Variants in RALYL observed in about 807,000 individuals in gnomAD.
RALYL encodes RALY RNA binding protein like, also known as RNA-binding Raly-like protein.
RALYL carries 29 observed loss-of-function variants against 35.1 expected under a neutral mutation model. The ratio of observed to expected loss-of-function variants is 0.83; its 90% CI spans 0.61 to 1.13. RALYL has a LOEUF of 1.13. Ranked by LOEUF, RALYL falls within the 50% of genes most tolerant of loss-of-function variation. The pLI is 0.00. For synonymous variants in RALYL, 120 were observed against 127.6 expected (o/e 0.94, Z 0.40); for missense variants, 359 against 360.4 (o/e 1.00, Z 0.03).
At chr8:84,316,029 A>C (rs377281683) in intron 1 of RALYL, among the ~76,000 whole-genome samples, 8 of 152,234 alleles carry the variant, frequency 5.3e-5, no homozygotes, top group East Asian at 1.9e-4. Flanking sequence ...TTGTAAAATT[A>C]TCTTTACTTT....
At chr8:84,738,551 C>T (rs1287936494) in intron 2 of RALYL, among the ~76,000 whole-genome samples, 3 of 151,836 alleles carry the variant, frequency 2.0e-5, no homozygotes, top group South Asian at 2.1e-4. Flanking sequence ...TTACTTTTAC[C>T]TTCTTTCTAT....
chr8:84,385,563 G>A (rs1050797205), intron 1 of RALYL, among the ~76,000 whole-genome samples: 1 of 151,774 alleles, frequency 6.6e-6, no homozygotes, highest in East Asian at 1.9e-4. Context: ...GGGTGTAAAA[G>A]CCACATTGCT....
At chr8:84,255,923 A>G (rs1831121437) in intron 1 of RALYL, among the ~76,000 whole-genome samples, 1 of 152,166 alleles carries the variant, frequency 6.6e-6, no homozygotes, top group Admixed American at 6.6e-5. Context: ...AGCATAACTA[A>G]GGATACCACT....
At chr8:84,545,199 A>G (rs1332026676) in intron 2 of RALYL, among the ~76,000 whole-genome samples, 1 of 152,090 alleles carries the variant, frequency 6.6e-6, no homozygotes, top group Non-Finnish European at 1.5e-5. Context: ...CTTTTCCTCT[A>G]TAGTTTAAAA....
At chr8:84,638,867 CATAA>C (rs1399656116) in intron 2 of RALYL, among the ~76,000 whole-genome samples, 2,270 of 101,612 alleles carry the variant, frequency 0.022, 180 homozygotes, top group Middle Eastern at 0.031. Context: ...CTAATGCACG[CATAA>C]ATATATATAT....
chr8:84,468,654 G>T (rs2052152725), intron 1 of RALYL, among the ~76,000 whole-genome samples: 1 of 148,050 alleles, frequency 6.8e-6, no homozygotes, highest in African/African-American at 2.5e-5. Context: ...GTATCTTTGT[G>T]GCGTTCTCTG....
chr8:84,220,973 C>T (rs993493319), intron 1 of RALYL, among the ~76,000 whole-genome samples: 1 of 151,842 alleles, frequency 6.6e-6, no homozygotes, highest in Non-Finnish European at 1.5e-5. Flanking sequence ...TAGAATGTGT[C>T]TTGCTGAACA....
At position 84,679,356 on chromosome 8, in the gene RALYL, G is replaced by C. The variant is rs117804766; in HGVS notation, c.257-95223G>C. On this transcript the variant is annotated intron_variant, in intron 2 of 8. Transcript: ENST00000521268. ...GGAACAGATTGAGACATTGTAAGTA[G>C]TTGAAACCCCACTACTTCATCCAGA... 26 of 270,740 alleles carry C rather than the reference G, an allele frequency of 9.6e-5. No individual in the cohort carries two copies. The East Asian group carries it at 2.4e-3, about 25-fold the overall frequency. The allele number at this position is 270,740 out of a possible 1,614,324, so 16.8% of individuals were successfully genotyped here.
At chr8:84,415,414 A>G (rs935890874) in intron 1 of RALYL, among the ~76,000 whole-genome samples, 1 of 151,640 alleles carries the variant, frequency 6.6e-6, no homozygotes, top group Non-Finnish European at 1.5e-5. Flanking sequence ...TAATTTTTGT[A>G]TCTTTAGTAG....
intron 6 of RALYL, among the ~76,000 whole-genome samples, chr8:84,863,287 A>G (rs140242118): frequency 2.7e-4 from 41 of 152,322 alleles, no homozygotes; most frequent in African/African-American, 8.7e-4. Flanking sequence ...TGACCTTGAA[A>G]CTGTCAGAGA....
intron 1 of RALYL, among the ~76,000 whole-genome samples, chr8:84,190,526 T>C (rs1813604499): frequency 6.6e-6 from 1 of 152,184 alleles, no homozygotes; most frequent in South Asian, 2.1e-4. Context: ...CTCACGTTCA[T>C]AAAATCAGTG....
intron 2 of RALYL, among the ~76,000 whole-genome samples, chr8:84,723,838 C>T (rs1227609353): frequency 1.3e-5 from 2 of 151,668 alleles, no homozygotes; most frequent in Non-Finnish European, 2.9e-5. Context: ...ATTCCCCCAC[C>T]CAAACCTCTA....
At chr8:84,662,440 A>G (rs939407754) in intron 2 of RALYL, among the ~76,000 whole-genome samples, 4 of 152,202 alleles carry the variant, frequency 2.6e-5, no homozygotes, top group Non-Finnish European at 5.9e-5. Flanking sequence ...TTAAGACATC[A>G]TTTTAATGTT....
At chr8:84,424,904 G>T (rs577224268) in intron 1 of RALYL, among the ~76,000 whole-genome samples, 3 of 148,940 alleles carry the variant, frequency 2.0e-5, no homozygotes, top group Admixed American at 6.6e-5. Flanking sequence ...GCAGTCTGCA[G>T]GTTCTCAGAT....
chr8:84,886,164 C>T (rs916865554), intron 7 of RALYL, among the ~76,000 whole-genome samples: 1 of 152,056 alleles, frequency 6.6e-6, no homozygotes. Flanking sequence ...TTTCAATAAA[C>T]TTTATCATTT....
At chr8:84,650,133 T>C (rs1001904001) in intron 2 of RALYL, among the ~76,000 whole-genome samples, 5 of 152,142 alleles carry the variant, frequency 3.3e-5, no homozygotes, top group Admixed American at 1.3e-4. Flanking sequence ...ATTGATTTTG[T>C]ATCCTGAGAC....
chr8:84,344,759 T>A (rs1321037750), intron 1 of RALYL, among the ~76,000 whole-genome samples: 1 of 152,078 alleles, frequency 6.6e-6, no homozygotes, highest in African/African-American at 2.4e-5. Context: ...TGAGTTCAAC[T>A]TTTTTAGATT....
chr8:84,604,997 T>C (rs1816795126), intron 2 of RALYL, among the ~76,000 whole-genome samples: 1 of 152,106 alleles, frequency 6.6e-6, no homozygotes, highest in South Asian at 2.1e-4. Flanking sequence ...CATACACAAT[T>C]TTTGTTCCAC....
chr8:84,774,170 G>A (rs1179001888), intron 2 of RALYL, among the ~76,000 whole-genome samples: 2 of 152,178 alleles, frequency 1.3e-5, no homozygotes, highest in Admixed American at 6.5e-5. Flanking sequence ...AGTGAGCAAC[G>A]ATTTCCCCAC....
Sources: allele counts gnomAD v4.1 joint callset (sites outside exome capture counted in the v4.1 genomes callset), GRCh38; gene constraint gnomAD v4.1.1; transcripts MANE v1.5; gene names NCBI Gene and HGNC (gene_info 2026-07-23, HGNC 2026-07-21).